Variants in SHTN1 observed in about 807,000 individuals in gnomAD.
SHTN1 encodes the protein shootin 1.
Under a neutral mutation model 83.1 loss-of-function variants are expected in SHTN1, and 42 were observed. The ratio of observed to expected loss-of-function variants is 0.51; its 90% CI spans 0.39 to 0.65. The LOEUF (loss-of-function observed/expected upper bound fraction) is 0.65. Among genes scored for constraint, SHTN1 ranks in the 30% least tolerant of loss-of-function variants. SHTN1 has a pLI of 0.00. For synonymous variants in SHTN1, 224 were observed against 247.7 expected (o/e 0.90, Z 0.90); for missense variants, 622 against 737.8 (o/e 0.84, Z 1.82).
intron 1 of SHTN1, among the ~76,000 whole-genome samples, chr10:117,083,092 T>C (rs1176513738): frequency 6.6e-6 from 1 of 151,592 alleles, no homozygotes; most frequent in African/African-American, 2.4e-5. Flanking sequence ...TGTTAGCTGG[T>C]TATTTTGCTC....
intron 16 of SHTN1, chr10:116,901,135 A>C (rs1161333911): frequency 2.0e-6 from 2 of 985,268 alleles, no homozygotes; most frequent in Non-Finnish European, 2.4e-6. Context: ...AAGAGAACTA[A>C]AGCAAAACTG....
chr10:116,983,643 G>T (rs1020997751), intron 1 of SHTN1, among the ~76,000 whole-genome samples: 1 of 109,470 alleles, frequency 9.1e-6, no homozygotes, highest in Non-Finnish European at 1.8e-5. Flanking sequence ...CAGATAGATA[G>T]ATAGATAGAT....
At chr10:116,994,313 G>T (rs1246709170) in intron 1 of SHTN1, among the ~76,000 whole-genome samples, 1 of 152,096 alleles carries the variant, frequency 6.6e-6, no homozygotes, top group Non-Finnish European at 1.5e-5. Flanking sequence ...GTTGAGAAAA[G>T]AGAGCAAGAG....
chr10:116,945,839 T>C (rs866722412), intron 7 of SHTN1, among the ~76,000 whole-genome samples: 1 of 152,148 alleles, frequency 6.6e-6, no homozygotes, highest in African/African-American at 2.4e-5. Flanking sequence ...AGTCTACCAA[T>C]AGGATACTAC....
intron 2 of SHTN1, among the ~76,000 whole-genome samples, chr10:116,976,268 G>A (rs974489049): frequency 6.6e-6 from 1 of 152,176 alleles, no homozygotes; most frequent in Non-Finnish European, 1.5e-5. Flanking sequence ...TTTCCCTGAA[G>A]AGCACCATGT....
chr10:117,016,118 T>C (rs1852176803), intron 2 of SHTN1, among the ~76,000 whole-genome samples: 1 of 152,296 alleles, frequency 6.6e-6, no homozygotes, highest in South Asian at 2.1e-4. Flanking sequence ...GATTCACAAA[T>C]GTAAACAAAT....
chr10:116,921,563 A>C (rs368887425), intron 11 of SHTN1, 47 bp from the exon 12 acceptor site: 29 of 1,390,922 alleles, frequency 2.1e-5, no homozygotes, highest in Non-Finnish European at 2.9e-5. Flanking sequence ...GGATGCCTAG[A>C]TCCTAAATAA....
intron 14 of SHTN1, chr10:116,907,754 G>C (rs1002621406): frequency 9.5e-6 from 4 of 422,402 alleles, no homozygotes; most frequent in African/African-American, 6.1e-5. Context: ...ATAATCTTTT[G>C]ATCAGAGGAC....
In SHTN1 at chr10:116,981,798, T is replaced by C. The variant is rs531548567; in HGVS notation, c.59-2490A>G. Among the ~76,000 whole-genome samples, 110 of 152,274 alleles carry C rather than the reference T, an allele frequency of 7.2e-4. 2 individuals are homozygous for C. In the South Asian group the frequency reaches 0.022, roughly 30 times the overall value. On this transcript the variant is annotated intron_variant, in intron 1 of 16. Transcript: ENST00000355371. ...TCTCAGCCGGGTGCGGTGGCTCACA[T>C]TTGTAATGCCAGCACTTTGAGAGGG...
intron 16 of SHTN1, among the ~76,000 whole-genome samples, chr10:116,899,155 T>C (rs1847629971): frequency 2.6e-5 from 4 of 152,046 alleles, no homozygotes; most frequent in African/African-American, 9.6e-5. Flanking sequence ...CAGGAAAAAA[T>C]TCTTACCCTC....
At chr10:116,892,880 T>C (rs998669133) in intron 16 of SHTN1, among the ~76,000 whole-genome samples, 21 of 152,298 alleles carry the variant, frequency 1.4e-4, no homozygotes, top group South Asian at 4.1e-4. Context: ...GTGTAGACTA[T>C]TGAAAAATGG....
At chr10:117,101,305 C>G (rs1337726299) in intron 1 of SHTN1, among the ~76,000 whole-genome samples, 1 of 152,048 alleles carries the variant, frequency 6.6e-6, no homozygotes, top group Non-Finnish European at 1.5e-5. Context: ...GGATAGGCAG[C>G]TACATGGACC....
intron 1 of SHTN1, among the ~76,000 whole-genome samples, chr10:117,122,038 T>C (rs144351843): frequency 0.024 from 3,619 of 151,920 alleles, 127 homozygotes; most frequent in East Asian, 0.12. Context: ...TCTCAAAAAA[T>C]AAAAATAAAA....
intron 1 of SHTN1, among the ~76,000 whole-genome samples, chr10:117,091,634 G>C (rs1853431749): frequency 6.6e-6 from 1 of 152,116 alleles, no homozygotes; most frequent in African/African-American, 2.4e-5. Flanking sequence ...CAATCCAAAG[G>C]CTTTGAGTTC....
intron 15 of SHTN1, among the ~76,000 whole-genome samples, chr10:116,904,445 T>G (rs1395435761): frequency 6.6e-6 from 1 of 152,106 alleles, no homozygotes; most frequent in Non-Finnish European, 1.5e-5. Flanking sequence ...TCCTTTTTTT[T>G]TTTTCTTTTG....
chr10:117,017,836 A>G (rs1415171074), intron 2 of SHTN1, among the ~76,000 whole-genome samples: 1 of 152,196 alleles, frequency 6.6e-6, no homozygotes, highest in Non-Finnish European at 1.5e-5. Context: ...GGTAAGTCAT[A>G]TTTATTAACT....
chr10:117,096,594 T>C (rs1356824905), intron 1 of SHTN1, among the ~76,000 whole-genome samples: 1 of 152,240 alleles, frequency 6.6e-6, no homozygotes, highest in African/African-American at 2.4e-5. Flanking sequence ...TTCTGAACAC[T>C]ACTTTTCTTT....
At chr10:117,007,554 C>G, upstream of SHTN1, among the ~76,000 whole-genome samples, 1 of 16,380 alleles carries the variant, frequency 6.1e-5, no homozygotes, top group Non-Finnish European at 1.2e-4. Flanking sequence ...GACTCCATCT[C>G]AAAAAAAAAA....
At chr10:117,009,878 G>A (rs1197594069), upstream of SHTN1, among the ~76,000 whole-genome samples, 2 of 152,074 alleles carry the variant, frequency 1.3e-5, no homozygotes, top group East Asian at 1.9e-4. Flanking sequence ...ACTCCAGCCT[G>A]GGCGACAGAG....
Sources: allele counts gnomAD v4.1 joint callset (sites outside exome capture counted in the v4.1 genomes callset), GRCh38; gene constraint gnomAD v4.1.1; transcripts MANE v1.5; gene names NCBI Gene and HGNC (gene_info 2026-07-23, HGNC 2026-07-21).